The following TSKS variants were observed in gnomAD, a reference collection of about 807,000 sequenced individuals.
The protein encoded by TSKS is testis specific serine kinase substrate.
TSKS carries 27 observed loss-of-function variants against 68.0 expected under a neutral mutation model. That is an observed-to-expected ratio of 0.40 (90% CI 0.29 to 0.55). The LOEUF is 0.55. TSKS is among the 20% of genes least tolerant of loss of function. The pLI is 0.53. For missense variants in TSKS, 806 were observed against 776.0 expected (o/e 1.04, Z -0.46); for synonymous variants, 331 against 340.4 (o/e 0.97, Z 0.30).
In TSKS at chr19:49,739,861, G is replaced by A; in HGVS notation, c.1694C>T (p.Pro565Leu). ...CATTGTTCCCGTGGACCCCTCAAGT[G>A]GCAGGTTGCTGAGATGATCGTGGAG... ...CSLHDHLSNL[P>L]LEGSTGTMGG... The change falls in exon 11 of 11, where the codon CCA (proline) becomes CTA (leucine). Residue 565 changes from proline (P) to leucine (L), a missense_variant. Transcript: ENST00000246801. 2 of 1,613,916 alleles carry A rather than the reference G, an allele frequency of 1.2e-6. No individual in the cohort carries two copies. Among genetic ancestry groups the A allele is most frequent in the East Asian group, 4.5e-5 (2 of 44,868 alleles).
At chr19:49,745,456 C>T in intron 6 of TSKS, 60 bp from the exon 7 acceptor site, 2 of 1,363,508 alleles carry the variant, frequency 1.5e-6, no homozygotes, top group Non-Finnish European at 2.0e-6. Context: ...CCCACCTACC[C>T]CCACGAGATA....
intron 2 of TSKS, among the ~76,000 whole-genome samples, chr19:49,751,753 C>G (rs2084352265): frequency 6.6e-6 from 1 of 151,936 alleles, no homozygotes; most frequent in South Asian, 2.1e-4. Flanking sequence ...TTTGTCCTCT[C>G]CAAATCTCAT....
At chr19:49,743,692 G>A (rs1036324897) in intron 8 of TSKS, among the ~76,000 whole-genome samples, 3 of 150,768 alleles carry the variant, frequency 2.0e-5, no homozygotes, top group Admixed American at 6.6e-5. Context: ...AGTAGAGACG[G>A]TGTTTCACCA....
intron 2 of TSKS, among the ~76,000 whole-genome samples, chr19:49,753,138 A>C (rs1361189165): frequency 2.0e-5 from 3 of 152,252 alleles, no homozygotes; most frequent in Non-Finnish European, 1.5e-5. Context: ...TTAAAAAGCA[A>C]CTACAGGCCA....
chr19:49,746,235 C>T (rs1423076240), intron 6 of TSKS, among the ~76,000 whole-genome samples: 1 of 152,108 alleles, frequency 6.6e-6, no homozygotes, highest in Non-Finnish European at 1.5e-5. Context: ...CCCTGTGTCC[C>T]CGCCCACCGC....
chr19:49,749,337 T>C (rs75933310), intron 2 of TSKS, among the ~76,000 whole-genome samples: 3,403 of 152,264 alleles, frequency 0.022, 128 homozygotes, highest in East Asian at 0.12. Context: ...CATCAGAATC[T>C]AGATTCAGAA....
chr19:49,752,383 CAAAA>C (rs35015955), intron 2 of TSKS, among the ~76,000 whole-genome samples: 1 of 83,264 alleles, frequency 1.2e-5, no homozygotes, highest in Admixed American at 1.3e-4. Flanking sequence ...AACTCCATCT[CAAAA>C]AAAAAAAAAA....
intron 5 of TSKS, 138 bp from the exon 6 acceptor site, chr19:49,746,936 G>T: frequency 6.9e-7 from 1 of 1,453,912 alleles, no homozygotes; most frequent in Non-Finnish European, 9.2e-7. Flanking sequence ...AAGTCTCACT[G>T]GCTGTCATTA....
In TSKS at chr19:49,739,768, G is replaced by T; in HGVS notation, c.*8C>A. On this transcript the variant is annotated 3_prime_UTR_variant, in exon 11 of 11. Coordinates refer to ENST00000246801, the MANE Select transcript of TSKS (RefSeq NM_021733.2). Reference sequence around the variant, plus strand: ...GCAGACAGAATTCATGCTAGCATGAGAGGCCATTTATTGTTCAGGGGCTGA... The same window carrying T: ...GCAGACAGAATTCATGCTAGCATGATAGGCCATTTATTGTTCAGGGGCTGA... 1.6e-6 allele frequency: 2 copies of T among 1,241,454 alleles called. No homozygotes were observed. The highest frequency in any genetic ancestry group is 2.3e-6 in the Non-Finnish European group (2 of 853,624). The allele number at this position is 1,241,454 out of a possible 1,614,324, so 76.9% of individuals were successfully genotyped here.
At chr19:49,761,574 T>C (rs188278797) in intron 2 of TSKS, among the ~76,000 whole-genome samples, 45 of 152,312 alleles carry the variant, frequency 3.0e-4, no homozygotes, top group African/African-American at 1.0e-3. Flanking sequence ...CTGTGTCTTT[T>C]GCCCCCACCA....
intron 8 of TSKS, among the ~76,000 whole-genome samples, chr19:49,742,950 G>T (rs2084264172): frequency 6.6e-6 from 1 of 152,172 alleles, no homozygotes; most frequent in Non-Finnish European, 1.5e-5. Flanking sequence ...GGCCAAAAAT[G>T]GTGTATCCCT....
At chr19:49,755,474 T>TA (rs1458504363) in intron 2 of TSKS, among the ~76,000 whole-genome samples, 3 of 151,952 alleles carry the variant, frequency 2.0e-5, no homozygotes, top group African/African-American at 7.2e-5. Context: ...GAGGGTGTAT[T>TA]ACTTGAGACC....
intron 8 of TSKS, 29 bp downstream of exon 8, chr19:49,744,202 G>T: frequency 6.2e-7 from 1 of 1,601,364 alleles, no homozygotes; most frequent in South Asian, 1.1e-5. Flanking sequence ...TATCCACAAG[G>T]CTCCCAGAGG....
chr19:49,746,562 G>C lies in TSKS; in HGVS notation c.900C>G (p.Pro300=). Residue 300 remains proline (P), a synonymous_variant, in exon 6 of 11, where the codon CCC becomes CCG. Transcript: ENST00000246801. The part of the protein sequence containing the change: ...DKPSRPHGLV[P]AGWGMGPRAG... ...CCCGAGGCCCCATTCCCCAGCCTGCGGGGACCAGGCCGTGTGGCCGCGAGG... is the reference window on the plus strand; with the variant it reads ...CCCGAGGCCCCATTCCCCAGCCTGCCGGGACCAGGCCGTGTGGCCGCGAGG... 3 of 1,613,308 alleles carry C rather than the reference G, an allele frequency of 1.9e-6. No homozygotes were observed. Among genetic ancestry groups the C allele is most frequent in the East Asian group, 2.2e-5 (1 of 44,878 alleles).
chr19:49,745,848 C>T (rs2084294152), intron 6 of TSKS, among the ~76,000 whole-genome samples: 1 of 152,212 alleles, frequency 6.6e-6, no homozygotes, highest in Non-Finnish European at 1.5e-5. Flanking sequence ...CTTCGGGGCA[C>T]TCCCTCCTCT....
rs775252809 is a variant in TSKS at position 49,741,960 on chromosome 19, T to C, written c.1422A>G (p.Ser474=). 6 of 1,614,174 alleles carry C rather than the reference T, an allele frequency of 3.7e-6. No homozygotes were observed. In the South Asian group the frequency reaches 6.6e-5, roughly 18 times the overall value. ...CCCTCTGCTTCACCTCGTCCACTAG[T>C]GAGGTCAGTGCTCGGTCCAGCAGCT... is the stretch of plus-strand genomic sequence containing the variant. ...LQQLLDRALT[S]LVDEVKQRGL... is the part of the protein sequence containing the mutation. The change falls in exon 9 of 11, where the codon TCA becomes TCG. Residue 474 remains serine (S), a synonymous_variant. Transcript: ENST00000246801.
intron 8 of TSKS, among the ~76,000 whole-genome samples, chr19:49,742,846 G>A (rs779828026): frequency 6.6e-6 from 1 of 151,976 alleles, no homozygotes; most frequent in Non-Finnish European, 1.5e-5. Flanking sequence ...TGCAAAGGCC[G>A]TCAAGAACTA....
chr19:49,740,197 C>G lies in TSKS; in HGVS notation c.1498-14G>C. 1 of 1,605,680 alleles carries G rather than the reference C, an allele frequency of 6.2e-7. No homozygotes were observed. Among genetic ancestry groups the G allele is most frequent in the Non-Finnish European group, 8.5e-7 (1 of 1,177,144 alleles). On this transcript the variant is annotated splice_polypyrimidine_tract_variant and intron_variant, in intron 9 of 10. Transcript: ENST00000246801. ...GCGCTCCAGCTCCTGGGGAGAGGAG[C>G]GTAGGCGTAGCTGGGCTTGCTGGAC...
intron 5 of TSKS, 39 bp downstream of exon 5, chr19:49,747,350 C>A (rs2084311784): frequency 3.1e-6 from 5 of 1,613,936 alleles, no homozygotes; most frequent in Non-Finnish European, 4.2e-6. Context: ...TGCATCTGAC[C>A]TCCTCCCACA....
Sources: allele counts gnomAD v4.1 joint callset (sites outside exome capture counted in the v4.1 genomes callset), GRCh38; gene constraint gnomAD v4.1.1; transcripts MANE v1.5; gene names NCBI Gene and HGNC (gene_info 2026-07-23, HGNC 2026-07-21).